Variants in LGI1 observed in about 807,000 individuals in gnomAD.
LGI1 encodes the protein leucine rich glioma inactivated 1.
In LGI1, 11 loss-of-function variants were observed where a neutral mutation model predicts 57.7. The observed-to-expected ratio is 0.19, with a 90% CI of 0.12 to 0.32. LGI1 has a LOEUF of 0.32. Ranked by LOEUF, LGI1 falls within the 10% of genes least tolerant of loss-of-function variation. The probability of loss-of-function intolerance (pLI) is 1.00; values close to 1 mark genes in which losing one functional copy is unlikely to be tolerated. For synonymous variants in LGI1, 222 were observed against 241.9 expected (o/e 0.92, Z 0.76); for missense variants, 422 against 661.9 (o/e 0.64, Z 3.98).
At chr10:93,789,789 T>A in intron 4 of LGI1, 1 of 283,538 alleles carries the variant, frequency 3.5e-6, no homozygotes, top group Non-Finnish European at 6.6e-6. Flanking sequence ...GGAAAATCAC[T>A]TGAACCCGGG....
At chr10:93,787,980 T>C (rs943092743) in intron 4 of LGI1, among the ~76,000 whole-genome samples, 1 of 152,098 alleles carries the variant, frequency 6.6e-6, no homozygotes, top group African/African-American at 2.4e-5. Context: ...ATAGCCCCTA[T>C]TGGCAGTAGT....
At chr10:93,783,673 G>T (rs17109405) in intron 4 of LGI1, among the ~76,000 whole-genome samples, 18,070 of 152,116 alleles carry the variant, frequency 0.12, 2,118 homozygotes, top group African/African-American at 0.3. Context: ...ATATGTACGC[G>T]TCCTCTCGTC....
intron 4 of LGI1, among the ~76,000 whole-genome samples, chr10:93,787,981 T>C (rs1186096745): frequency 1.3e-5 from 2 of 152,102 alleles, no homozygotes; most frequent in East Asian, 3.9e-4. Flanking sequence ...TAGCCCCTAT[T>C]GGCAGTAGTA....
In LGI1 at chr10:93,797,940, C is replaced by G; in HGVS notation, c.*137C>G. 1 of 717,590 alleles carries G rather than the reference C, an allele frequency of 1.4e-6. No individual in the cohort carries two copies. The highest frequency in any genetic ancestry group is 2.5e-6 in the Non-Finnish European group (1 of 397,896). The allele number at this position is 717,590 out of a possible 1,614,324, so 44.5% of individuals were successfully genotyped here. ...TTGAGACTGCTAGAACCAAGCACTA[C>G]CAGTATCTCCATCCTTAACTGTCCA... is the stretch of plus-strand genomic sequence containing the variant. On this transcript the variant is annotated 3_prime_UTR_variant, in exon 8 of 8. Transcript: ENST00000371418. This position sits in a 1 kb window ranked among gnomAD's most constrained non-coding sequence, Gnocchi z 6.5.
chr10:93,758,504 T>C lies in LGI1; in HGVS notation c.215+145T>C, dbSNP rs1223505824. On this transcript the variant is annotated intron_variant, in intron 1 of 7. Transcript: ENST00000371418. This position sits in a 1 kb window ranked among gnomAD's most constrained non-coding sequence, Gnocchi z 4.7. Reference sequence around the variant, plus strand: ...GCCATTTGACAGTGCTAACATTTGCTGCATTTAGAATTTTTGATTTTTTTA... The same window carrying C: ...GCCATTTGACAGTGCTAACATTTGCCGCATTTAGAATTTTTGATTTTTTTA... 1.1e-5 allele frequency: 10 copies of C among 898,070 alleles called. No homozygotes were observed. Among genetic ancestry groups the C allele is most frequent in the Admixed American group, 2.0e-5 (1 of 49,658 alleles). The allele number at this position is 898,070 out of a possible 1,614,324, so 55.6% of individuals were successfully genotyped here.
chr10:93,793,070 AG>A (rs1404347558), intron 6 of LGI1, 115 bp from the exon 7 acceptor site: 1 of 1,173,602 alleles, frequency 8.5e-7, no homozygotes, highest in Non-Finnish European at 1.2e-6. Context: ...TGTGTTTAAA[AG>A]TAAAATGGCC....
At chr10:93,771,950 G>A (rs1488012552) in intron 2 of LGI1, 4 of 146,914 alleles carry the variant, frequency 2.7e-5, no homozygotes, top group Non-Finnish European at 5.9e-5. Context: ...ACTCCAGCCT[G>A]GGCAACAAGA....
intron 4 of LGI1, among the ~76,000 whole-genome samples, chr10:93,778,120 G>A (rs771541042): frequency 3.3e-5 from 5 of 152,100 alleles, no homozygotes; most frequent in Non-Finnish European, 7.3e-5. Flanking sequence ...GTCTCCCAGG[G>A]AACATTTGGC....
intron 2 of LGI1, chr10:93,769,551 G>A (rs1482406797): frequency 2.0e-5 from 3 of 152,190 alleles, no homozygotes; most frequent in Non-Finnish European, 4.4e-5. Flanking sequence ...CTTGGCAGAA[G>A]CATTGGAGAC....
intron 2 of LGI1, among the ~76,000 whole-genome samples, chr10:93,775,707 T>C (rs1485868507): frequency 6.6e-6 from 1 of 152,210 alleles, no homozygotes. Flanking sequence ...TGCCCACTAA[T>C]ATTCATTTCC....
intron 7 of LGI1, among the ~76,000 whole-genome samples, chr10:93,795,176 C>T (rs1202023922): frequency 1.3e-5 from 2 of 152,152 alleles, no homozygotes; most frequent in Non-Finnish European, 2.9e-5. Flanking sequence ...CATCTGCAAA[C>T]TTTCTGAGGG....
chr10:93,770,575 T>A (rs1462732573), intron 2 of LGI1: 1 of 152,220 alleles, frequency 6.6e-6, no homozygotes, highest in Non-Finnish European at 1.5e-5. Context: ...TGCCTACTTT[T>A]CCGTTCCTTT....
chr10:93,793,481 G>A (rs757949428), intron 7 of LGI1, 131 bp downstream of exon 7: 2 of 801,960 alleles, frequency 2.5e-6, no homozygotes, highest in Non-Finnish European at 2.1e-6. Context: ...TAAGTGACCT[G>A]GGATTGTTCT....
At chr10:93,790,359 T>G (rs556344729) in intron 5 of LGI1, 189 bp downstream of exon 5, 55 of 590,760 alleles carry the variant, frequency 9.3e-5, no homozygotes, top group Admixed American at 9.0e-4. Flanking sequence ...GTATTTATCA[T>G]TGGGAATTCT....
rs1225264097 is a variant in LGI1, at chr10:93,762,231, T to C, written c.287+3400T>C. 3.3e-5 allele frequency among the ~76,000 whole-genome samples: 5 copies of C among 152,174 alleles called. No homozygotes were observed. In the East Asian group the frequency reaches 5.8e-4, roughly 18 times the overall value. On this transcript the variant is annotated intron_variant, in intron 2 of 7. Transcript: ENST00000371418. ...CAGAAAAAATTTCTTAGTATTCCAA[T>C]TGGATGTGGTCTTGTTTGAAAGACA...
Position 93,759,016 on chromosome 10 carries a change from A to C in LGI1, c.287+185A>C, listed in dbSNP as rs117730565. The C allele has an allele frequency of 4.1e-3, 2,493 of 610,308 alleles. 10 individuals are homozygous for C. The highest frequency in any genetic ancestry group is 6.0e-3 in the Non-Finnish European group (2,060 of 345,112). The allele number at this position is 610,308 out of a possible 1,614,324, so 37.8% of individuals were successfully genotyped here. Reference sequence around the variant, plus strand: ...ACACCAACAGTGCAGGTTGATTCTTACAATGGTAAATCTGTTAACCTGTCA... The same window carrying C: ...ACACCAACAGTGCAGGTTGATTCTTCCAATGGTAAATCTGTTAACCTGTCA... On this transcript the variant is annotated intron_variant, in intron 2 of 7. Coordinates refer to ENST00000371418, the MANE Select transcript of LGI1 (RefSeq NM_005097.4).
intron 2 of LGI1, chr10:93,770,600 T>C (rs979219710): frequency 2.0e-5 from 3 of 152,258 alleles, no homozygotes; most frequent in African/African-American, 7.2e-5. Flanking sequence ...GTAAATTCTG[T>C]GTGTCCTACC....
At chr10:93,782,598 T>C (rs2059855774) in intron 4 of LGI1, 1 of 152,262 alleles carries the variant, frequency 6.6e-6, no homozygotes, top group South Asian at 2.1e-4. Flanking sequence ...GGGCCTGGTA[T>C]GTAGTAAGCA....
intron 4 of LGI1, chr10:93,788,955 G>GTA (rs974313504): frequency 3.9e-5 from 6 of 151,942 alleles, no homozygotes; most frequent in African/African-American, 1.5e-4. Context: ...TTTATAACGT[G>GTA]TATATATATG....
Sources: gnomAD v4.1 joint callset for allele counts (sites outside exome capture counted in the v4.1 genomes callset) on GRCh38, gnomAD v4.1.1 for gene constraint, Gnocchi (gnomAD v3.1) non-coding constraint, MANE v1.5 for transcripts, NCBI Gene and HGNC (gene_info 2026-07-23, HGNC 2026-07-21) for gene names.